Variants in ZNF430 observed in about 807,000 individuals in gnomAD.
ZNF430 encodes the protein zinc finger protein 430.
In ZNF430, 35 loss-of-function variants were observed where a neutral mutation model predicts 56.7. The observed-to-expected ratio is 0.62, with a 90% CI of 0.47 to 0.82. The LOEUF (loss-of-function observed/expected upper bound fraction) is 0.82. Among genes scored for constraint, ZNF430 ranks in the 40% least tolerant of loss-of-function variants. The probability of loss-of-function intolerance (pLI) is 0.00; values close to 1 mark genes in which losing one functional copy is unlikely to be tolerated. For synonymous variants in ZNF430, 212 were observed against 224.3 expected, an observed-to-expected ratio of 0.94 and a Z score of 0.49; for missense variants, 574 against 661.0, an observed-to-expected ratio of 0.87 and a Z score of 1.44.
intron 4 of ZNF430, among the ~76,000 whole-genome samples, chr19:21,054,629 T>C (rs1416040412): frequency 1.3e-5 from 2 of 151,524 alleles, no homozygotes; most frequent in Non-Finnish European, 2.9e-5. Flanking sequence ...TATCTTTGTG[T>C]GTATCCTAGT....
intron 4 of ZNF430, among the ~76,000 whole-genome samples, chr19:21,040,240 G>T (rs1032324331): frequency 6.6e-6 from 1 of 152,178 alleles, no homozygotes; most frequent in Admixed American, 6.5e-5. Context: ...TTTTGTACAT[G>T]CTGTTAAGCC....
chr19:21,038,988 C>A (rs377342142), intron 4 of ZNF430, among the ~76,000 whole-genome samples: 24 of 152,244 alleles, frequency 1.6e-4, no homozygotes, highest in South Asian at 4.1e-4. Flanking sequence ...CTCTCTCTGT[C>A]ATCCAGGCTG....
Position 21,020,760 on chromosome 19 carries a change from G to C in ZNF430, c.-41G>C. On this transcript the variant is annotated 5_prime_UTR_variant, in exon 1 of 5. Coordinates refer to ENST00000261560, the MANE Select transcript of ZNF430 (RefSeq NM_025189.4). ...GCCCTGTGACCCGCAGGTATTGGGAGATCTACAGCTAAGACGCCAGGAACC... is the reference window on the plus strand; with the variant it reads ...GCCCTGTGACCCGCAGGTATTGGGACATCTACAGCTAAGACGCCAGGAACC... 6.2e-7 allele frequency: 1 copy of C among 1,613,156 alleles called. No individual in the cohort carries two copies. The highest frequency in any genetic ancestry group is 8.5e-7 in the Non-Finnish European group (1 of 1,179,398).
chr19:21,058,291 A>G lies in ZNF430; in HGVS notation c.*270A>G. 2.6e-6 allele frequency: 1 copy of G among 383,198 alleles called. No homozygotes were observed. Among genetic ancestry groups the G allele is most frequent in the Non-Finnish European group, 4.8e-6 (1 of 210,358 alleles). The allele number at this position is 383,198 out of a possible 1,614,324, so 23.7% of individuals were successfully genotyped here. A position where few individuals can be genotyped will look rare whatever the true frequency, so the allele number is the denominator to read the frequency against. On this transcript the variant is annotated 3_prime_UTR_variant, in exon 5 of 5. Coordinates refer to ENST00000261560, the MANE Select transcript of ZNF430 (RefSeq NM_025189.4). ...GAAATCCTGTCTCTACTAAAAATACAAAATTAGCCATGCGTAGTGGTGCAT... is the reference window on the plus strand; with the variant it reads ...GAAATCCTGTCTCTACTAAAAATACGAAATTAGCCATGCGTAGTGGTGCAT...
intron 4 of ZNF430, among the ~76,000 whole-genome samples, chr19:21,047,900 A>G (rs995138275): frequency 1.3e-5 from 2 of 152,168 alleles, no homozygotes; most frequent in African/African-American, 4.8e-5. Flanking sequence ...GAAATTCCAT[A>G]CATCTGTACT....
intron 4 of ZNF430, among the ~76,000 whole-genome samples, chr19:21,047,515 C>G (rs1396987596): frequency 2.0e-5 from 3 of 152,102 alleles, no homozygotes; most frequent in Non-Finnish European, 2.9e-5. Flanking sequence ...GGATGGGATG[C>G]TTGTGAGGAT....
In ZNF430 at chr19:21,020,821, G is replaced by A. The variant is rs373074899; in HGVS notation, c.3+18G>A. The A allele has an allele frequency of 6.2e-6, 10 of 1,613,660 alleles. No individual in the cohort carries two copies. The highest frequency in any genetic ancestry group is 1.3e-5 in the African/African-American group (1 of 74,938). On this transcript the variant is annotated intron_variant, in intron 1 of 4. Coordinates refer to ENST00000261560, the MANE Select transcript of ZNF430 (RefSeq NM_025189.4). ...TAGAAATGGTGAGAGTGCCGGGTCC[G>A]ACATCCCCAGAGAGGGGAGGGGCTG...
intron 4 of ZNF430, among the ~76,000 whole-genome samples, chr19:21,044,811 G>GTAATTTATCTACT (rs1968160640): frequency 6.6e-6 from 1 of 152,124 alleles, no homozygotes; most frequent in Non-Finnish European, 1.5e-5. Flanking sequence ...GGTCTTGGGA[G>GTAATTTATCTACT]GGTGTTTGTG....
rs1046406965 is a variant in ZNF430, at chr19:21,055,434, GTT to G, written c.323-1187_323-1186del. On this transcript the variant is annotated intron_variant, in intron 4 of 4. Transcript: ENST00000261560. Reference sequence around the variant, plus strand: ...AGAGTTTGTGTTTCTTCTTTTTTTAGTTTTTTTTTTTGTTTGTTTTTTGTTTT... The same window carrying G: ...AGAGTTTGTGTTTCTTCTTTTTTTAGTTTTTTTTTGTTTGTTTTTTGTTTT... 2.8e-5 allele frequency among the ~76,000 whole-genome samples: 4 copies of G among 142,910 alleles called. No homozygotes were observed. The Admixed American group carries it at 2.8e-4, about 10-fold the overall frequency. The allele number at this position is 142,910 out of a possible 152,430, so 93.8% of individuals were successfully genotyped here.
At chr19:21,051,986 G>T (rs2144786963) in intron 4 of ZNF430, among the ~76,000 whole-genome samples, 1 of 151,298 alleles carries the variant, frequency 6.6e-6, no homozygotes, top group Middle Eastern at 3.4e-3. Flanking sequence ...AATGCAATGA[G>T]AAATTAAAAA....
intron 2 of ZNF430, among the ~76,000 whole-genome samples, chr19:21,024,163 T>C (rs1471208782): frequency 2.6e-5 from 4 of 152,214 alleles, no homozygotes; most frequent in African/African-American, 9.6e-5. Context: ...CCCCTGCAGA[T>C]GTCCTAGCCT....
chr19:21,048,859 GC>G (rs913826009), intron 4 of ZNF430, among the ~76,000 whole-genome samples: 1 of 151,902 alleles, frequency 6.6e-6, no homozygotes, highest in African/African-American at 2.4e-5. Context: ...GGCAGGGGCT[GC>G]CCCCCACCTC....
intron 4 of ZNF430, among the ~76,000 whole-genome samples, chr19:21,051,331 G>A (rs1467522616): frequency 1.3e-5 from 2 of 152,110 alleles, no homozygotes; most frequent in East Asian, 3.8e-4. Context: ...TGATATTCCA[G>A]TATTTTTATA....
intron 2 of ZNF430, among the ~76,000 whole-genome samples, chr19:21,024,791 AAAG>A (rs1010095965): frequency 5.3e-5 from 8 of 151,978 alleles, no homozygotes; most frequent in Non-Finnish European, 8.8e-5. Flanking sequence ...AAAAAAAAAA[AAAG>A]AAGTTGGAGG....
chr19:21,059,148 A>G lies in ZNF430; in HGVS notation c.*1127A>G, dbSNP rs1968428382. Reference sequence around the variant, plus strand: ...CAGTAAAAATGAAAATATTTAATCCAAAATTAAGTCTATGTAAATATCAGA... The same window carrying G: ...CAGTAAAAATGAAAATATTTAATCCGAAATTAAGTCTATGTAAATATCAGA... On this transcript the variant is annotated 3_prime_UTR_variant, in exon 5 of 5. Transcript: ENST00000261560. 6.6e-6 allele frequency: 1 copy of G among 152,250 alleles called. No individual in the cohort carries two copies. Among genetic ancestry groups the G allele is most frequent in the Non-Finnish European group, 1.5e-5 (1 of 68,048 alleles). 9.4% of individuals were successfully genotyped at this position (152,250 alleles called of 1,614,324 possible).
chr19:21,038,188 A>AGTATTTTAC (rs1254092444), intron 4 of ZNF430, among the ~76,000 whole-genome samples: 2 of 152,192 alleles, frequency 1.3e-5, no homozygotes, highest in East Asian at 3.9e-4. Flanking sequence ...TTTATGTCTA[A>AGTATTTTAC]GTATTTTACT....
chr19:21,055,817 T>C (rs1160396791), intron 4 of ZNF430, among the ~76,000 whole-genome samples: 1 of 152,146 alleles, frequency 6.6e-6, no homozygotes, highest in East Asian at 1.9e-4. Context: ...GGCACTGCAG[T>C]CTCTCTGCTG....
At position 21,058,847 on chromosome 19, in the gene ZNF430, A is replaced by T. The variant is rs141458248; in HGVS notation, c.*826A>T. On this transcript the variant is annotated 3_prime_UTR_variant, in exon 5 of 5. Coordinates refer to ENST00000261560, the MANE Select transcript of ZNF430 (RefSeq NM_025189.4). ...CAATTACTGTCAAAAGATCTTTCAG[A>T]AAATATAAACCTTTAAAGCGAAGAA... 9 of 152,372 alleles carry T rather than the reference A, an allele frequency of 5.9e-5. No individual in the cohort carries two copies. Among genetic ancestry groups the T allele is most frequent in the Non-Finnish European group, 1.2e-4 (8 of 68,034 alleles). The allele number at this position is 152,372 out of a possible 1,614,324, so 9.4% of individuals were successfully genotyped here.
At chr19:21,020,937 CCTCAGTCCCCATCAGCCTT>C in intron 1 of ZNF430, 134 bp downstream of exon 1, 3 of 1,259,830 alleles carry the variant, frequency 2.4e-6, no homozygotes, top group Non-Finnish European at 3.4e-6. Context: ...CCCAGCTGGG[CCTCAGTCCCCATCAGCCTT>C]AAGATGGCGG....
Sources: allele counts gnomAD v4.1 joint callset (sites outside exome capture counted in the v4.1 genomes callset), GRCh38; gene constraint gnomAD v4.1.1; transcripts MANE v1.5; gene names NCBI Gene and HGNC (gene_info 2026-07-23, HGNC 2026-07-21).